TRPM3: variants seen among roughly 807,000 people sequenced by gnomAD.
TRPM3 encodes the protein long transient receptor potential channel 3.
TRPM3 carries 77 observed loss-of-function variants against 181.2 expected under a neutral mutation model. The ratio of observed to expected loss-of-function variants is 0.42; its 90% CI spans 0.35 to 0.51. The LOEUF is 0.51. Among genes scored for constraint, TRPM3 ranks in the 20% least tolerant of loss-of-function variants. TRPM3 has a pLI of 0.01. For synonymous variants in TRPM3, 745 were observed against 796.4 expected, an observed-to-expected ratio of 0.94 and a Z score of 1.09; for missense variants, 1,759 against 2,196.7, an observed-to-expected ratio of 0.80 and a Z score of 3.98.
At chr9:71,026,026 C>G (rs925742234) in intron 1 of TRPM3, among the ~76,000 whole-genome samples, 3 of 152,188 alleles carry the variant, frequency 2.0e-5, no homozygotes, top group Non-Finnish European at 2.9e-5. Flanking sequence ...CAGGAGGAGA[C>G]CTCTAATCTG....
intron 1 of TRPM3, among the ~76,000 whole-genome samples, chr9:70,888,446 T>C (rs1284665843): frequency 3.3e-5 from 5 of 151,416 alleles, no homozygotes; most frequent in Non-Finnish European, 7.4e-5. Flanking sequence ...AAGATAAAGT[T>C]AGAAATTACC....
intron 1 of TRPM3, among the ~76,000 whole-genome samples, chr9:71,184,111 C>T (rs2134936221): frequency 6.6e-6 from 1 of 152,180 alleles, no homozygotes; most frequent in Non-Finnish European, 1.5e-5. Flanking sequence ...CCAGACACCA[C>T]CATTAGGGGT....
intron 9 of TRPM3, among the ~76,000 whole-genome samples, chr9:70,643,247 G>A (rs574940186): frequency 9.2e-5 from 14 of 152,290 alleles, no homozygotes; most frequent in South Asian, 4.1e-4. Flanking sequence ...GGCTCATTGC[G>A]ATTGCATTTG....
intron 1 of TRPM3, among the ~76,000 whole-genome samples, chr9:71,230,115 A>G (rs2080952000): frequency 6.6e-6 from 1 of 152,144 alleles, no homozygotes; most frequent in African/African-American, 2.4e-5. Flanking sequence ...AAAGAATGAG[A>G]TTGAGCCATC....
At chr9:70,538,155 T>A (rs1369550725) in intron 25 of TRPM3, among the ~76,000 whole-genome samples, 1 of 152,224 alleles carries the variant, frequency 6.6e-6, no homozygotes, top group Non-Finnish European at 1.5e-5. Flanking sequence ...AACATTGGAG[T>A]ATCTGTCAAT....
chr9:70,988,707 G>A (rs576593443), intron 1 of TRPM3, among the ~76,000 whole-genome samples: 2 of 152,136 alleles, frequency 1.3e-5, no homozygotes, highest in Admixed American at 6.6e-5. Flanking sequence ...CATGAGCCCC[G>A]TAAAAGTAGA....
intron 1 of TRPM3, among the ~76,000 whole-genome samples, chr9:70,925,770 C>T (rs73465074): frequency 0.027 from 4,112 of 151,914 alleles, 196 homozygotes; most frequent in African/African-American, 0.094. Context: ...TCAGCCAGCG[C>T]GGGAGAGATA....
chr9:71,162,525 T>C (rs773790625), intron 1 of TRPM3, among the ~76,000 whole-genome samples: 31 of 152,152 alleles, frequency 2.0e-4, no homozygotes, highest in South Asian at 4.1e-4. Flanking sequence ...GCAATATTAC[T>C]AGAAATATGT....
chr9:70,746,345 G>T (rs1055218048), intron 8 of TRPM3, among the ~76,000 whole-genome samples: 3 of 152,126 alleles, frequency 2.0e-5, no homozygotes, highest in African/African-American at 7.2e-5. Context: ...CTATTAAGGG[G>T]TAGGTAGATA....
chr9:70,747,783 T>C (rs11142563), intron 8 of TRPM3, among the ~76,000 whole-genome samples: 63,584 of 151,508 alleles, frequency 0.42, 13,946 homozygotes, highest in African/African-American at 0.55. Flanking sequence ...CTGCAGTGTG[T>C]AGGATGCATT....
intron 8 of TRPM3, among the ~76,000 whole-genome samples, chr9:70,686,300 G>A (rs138626751): frequency 6.5e-4 from 99 of 152,138 alleles, no homozygotes; most frequent in African/African-American, 2.0e-3. Context: ...CCAGTCTTCC[G>A]CTAATGAACA....
At position 70,751,851 on chromosome 9, in the gene TRPM3, G is replaced by A. The variant is rs529398718; in HGVS notation, c.1272+9750C>T. Among the ~76,000 whole-genome samples, 4 of 152,252 alleles carry A rather than the reference G, an allele frequency of 2.6e-5. No homozygotes were observed. In the East Asian group the frequency reaches 5.8e-4, roughly 22 times the overall value. On this transcript the variant is annotated intron_variant, in intron 8 of 25. Transcript: ENST00000677713. ...ATACTACATAGAAAAAAAAGGCATGGCTCAAGATATAGTCACACTGGGATA... is the reference window on the plus strand; with the variant it reads ...ATACTACATAGAAAAAAAAGGCATGACTCAAGATATAGTCACACTGGGATA...
intron 1 of TRPM3, among the ~76,000 whole-genome samples, chr9:71,437,879 AAG>A (rs1357992050): frequency 6.6e-6 from 1 of 150,964 alleles, no homozygotes; most frequent in Non-Finnish European, 1.5e-5. Flanking sequence ...AAAAAAAAAA[AAG>A]AAAAAAAAAC....
At chr9:71,204,131 C>G (rs985315178) in intron 1 of TRPM3, among the ~76,000 whole-genome samples, 1 of 151,034 alleles carries the variant, frequency 6.6e-6, no homozygotes, top group Non-Finnish European at 1.5e-5. Context: ...CTAGGCAATA[C>G]CATTCAGGAC....
At chr9:71,134,197 G>T (rs2074607559) in intron 1 of TRPM3, among the ~76,000 whole-genome samples, 1 of 152,018 alleles carries the variant, frequency 6.6e-6, no homozygotes, top group African/African-American at 2.4e-5. Flanking sequence ...TGAATACAGG[G>T]ATCTTCGGTT....
chr9:71,350,214 C>T (rs779188757), intron 1 of TRPM3, among the ~76,000 whole-genome samples: 7 of 152,048 alleles, frequency 4.6e-5, no homozygotes, highest in Non-Finnish European at 1.0e-4. Context: ...AAAGAAGTCA[C>T]AATTTATATA....
chr9:70,605,978 C>T (rs1231152464), intron 19 of TRPM3, among the ~76,000 whole-genome samples: 1 of 152,196 alleles, frequency 6.6e-6, no homozygotes, highest in Non-Finnish European at 1.5e-5. Flanking sequence ...GCTTAAGTAA[C>T]TCCTTGAACC....
intron 1 of TRPM3, among the ~76,000 whole-genome samples, chr9:70,895,355 A>G (rs746689479): frequency 6.6e-6 from 1 of 152,242 alleles, no homozygotes; most frequent in Non-Finnish European, 1.5e-5. Context: ...TCTGGAAGAT[A>G]GCTTACACTT....
chr9:71,416,351 T>C (rs371249349), intron 1 of TRPM3, among the ~76,000 whole-genome samples: 126 of 152,080 alleles, frequency 8.3e-4, no homozygotes, highest in African/African-American at 2.7e-3. Flanking sequence ...CTAGTTTGGA[T>C]TGGTCGGCAA....
Sources: allele counts gnomAD v4.1 joint callset (sites outside exome capture counted in the v4.1 genomes callset), GRCh38; gene constraint gnomAD v4.1.1; transcripts MANE v1.5; gene names NCBI Gene and HGNC (gene_info 2026-07-23, HGNC 2026-07-21).